Variants in CDH11 observed in about 807,000 individuals in gnomAD.
The protein encoded by CDH11 is cadherin 11, also known as cadherin-11.
CDH11 carries 11 observed loss-of-function variants against 67.8 expected under a neutral mutation model. That is an observed-to-expected ratio of 0.16 (90% CI 0.10 to 0.27). The LOEUF (loss-of-function observed/expected upper bound fraction) is 0.27, where lower values mean the gene tolerates loss of function less well. CDH11 is among the 10% of genes least tolerant of loss of function. The pLI is 1.00. For synonymous variants in CDH11, 419 were observed against 400.0 expected (o/e 1.05, Z -0.57); for missense variants, 847 against 1,031.2 (o/e 0.82, Z 2.45).
chr16:65,064,509 G>C (rs990746430), intron 1 of CDH11, among the ~76,000 whole-genome samples: 1 of 152,196 alleles, frequency 6.6e-6, no homozygotes, highest in African/African-American at 2.4e-5. Context: ...CCCACCAATT[G>C]CCAGATTACT....
rs143641530 is a variant in CDH11 at position 65,047,296 on chromosome 16, T to C, written c.-173+6508A>G. Among the ~76,000 whole-genome samples, 417 of 152,240 alleles carry C rather than the reference T, an allele frequency of 2.7e-3. 16 individuals are homozygous for C. In the East Asian group the frequency reaches 0.067, roughly 24 times the overall value. ...AGATTGAACGCCTAGAGTATAGGAA[T>C]TGAAGAAGACTTAATTCTCTGTAGA... On this transcript the variant is annotated intron_variant, in intron 2 of 12. Transcript: ENST00000268603.
chr16:65,071,171 A>C (rs1236870511), intron 1 of CDH11, among the ~76,000 whole-genome samples: 4 of 152,206 alleles, frequency 2.6e-5, no homozygotes. Flanking sequence ...GCTCAAGAGA[A>C]AGTGGTCCCA....
At chr16:65,031,182 T>C (rs2073636333) in intron 2 of CDH11, among the ~76,000 whole-genome samples, 1 of 152,214 alleles carries the variant, frequency 6.6e-6, no homozygotes, top group Admixed American at 6.5e-5. Flanking sequence ...AATGCAGCAC[T>C]CACAGATAAT....
At chr16:65,080,936 CAATGGTAGTGCCCGA>C (rs1156884922) in intron 1 of CDH11, among the ~76,000 whole-genome samples, 4 of 152,154 alleles carry the variant, frequency 2.6e-5, no homozygotes, top group Non-Finnish European at 5.9e-5. Context: ...CATATTGATG[CAATGGTAGTGCCCGA>C]AATATCATCA....
At chr16:64,978,585 A>T (rs1057123621) in intron 8 of CDH11, among the ~76,000 whole-genome samples, 14 of 152,244 alleles carry the variant, frequency 9.2e-5, no homozygotes, top group Admixed American at 9.2e-4. Flanking sequence ...ATGGATAGAC[A>T]TATAATTAAT....
At chr16:64,982,474 T>G in intron 7 of CDH11, 173 bp from the exon 8 acceptor site, 1 of 605,810 alleles carries the variant, frequency 1.7e-6, no homozygotes. Flanking sequence ...AATCAATTGC[T>G]GAAACCTAGA....
chr16:64,949,902 C>T (rs1567482091), intron 12 of CDH11, among the ~76,000 whole-genome samples: 1 of 152,122 alleles, frequency 6.6e-6, no homozygotes, highest in Non-Finnish European at 1.5e-5. Flanking sequence ...GGCCCGTTGC[C>T]CAGAGAATAC....
intron 2 of CDH11, among the ~76,000 whole-genome samples, chr16:65,012,295 T>G (rs755973460): frequency 6.6e-6 from 1 of 152,194 alleles, no homozygotes; most frequent in Non-Finnish European, 1.5e-5. Context: ...CCATGGCTCA[T>G]TAAACAACAC....
At position 65,004,856 on chromosome 16, in the gene CDH11, T is replaced by C; in HGVS notation, c.14A>G (p.Tyr5Cys). 1 of 1,532,072 alleles carries C rather than the reference T, an allele frequency of 6.5e-7. No individual in the cohort carries two copies. Among genetic ancestry groups the C allele is most frequent in the Non-Finnish European group, 8.8e-7 (1 of 1,135,748 alleles). 94.9% of individuals were successfully genotyped at this position (1,532,072 alleles called of 1,614,324 possible). A position where few individuals can be genotyped will look rare whatever the true frequency, so the allele number is the denominator to read the frequency against. MKEN[Y>C]CLQAALVCLG... is the part of the protein sequence containing the mutation. ...GCACACCAGGGCGGCTTGTAAACAG[T>C]AGTTCTCCTTCATTTTTGGTTACGT... The change falls in exon 3 of 13, where the codon TAC becomes TGC. Residue 5 changes from tyrosine (Y) to cysteine (C), a missense_variant. By Grantham distance (194) the Tyr-to-Cys change is radical. This residue lies in a region of CDH11 where 235 missense variants were observed against 352.5 expected (regional missense o/e 0.67). Transcript: ENST00000268603.
chr16:65,087,004 A>T (rs1379158993), intron 1 of CDH11, among the ~76,000 whole-genome samples: 1 of 152,176 alleles, frequency 6.6e-6, no homozygotes, highest in African/African-American at 2.4e-5. Context: ...GTGAATTTTA[A>T]ATGAGAAGAA....
chr16:65,034,780 G>C (rs73579797), intron 2 of CDH11, among the ~76,000 whole-genome samples: 22,775 of 152,108 alleles, frequency 0.15, 2,274 homozygotes, highest in East Asian at 0.41. Flanking sequence ...CAGGGTGCAC[G>C]TGGCTGTATC....
chr16:65,076,772 T>C (rs1187688021), intron 1 of CDH11, among the ~76,000 whole-genome samples: 1 of 138,042 alleles, frequency 7.2e-6, no homozygotes, highest in East Asian at 2.3e-4. Flanking sequence ...AGTGAGAACA[T>C]ACGGTGCTTG....
At chr16:65,068,412 A>G (rs1024433155) in intron 1 of CDH11, among the ~76,000 whole-genome samples, 95 of 54,248 alleles carry the variant, frequency 1.8e-3, no homozygotes, top group Non-Finnish European at 1.3e-3. Context: ...ATATGACTAC[A>G]GAAAAAAAAA....
In CDH11 at chr16:64,946,337, C is replaced by T. The variant is rs1417577812; in HGVS notation, c.*1266G>A. The T allele has an allele frequency of 1.3e-5, 14 of 1,039,282 alleles. No individual in the cohort carries two copies. The highest frequency in any genetic ancestry group is 5.8e-5 in the East Asian group (1 of 17,184). 64.4% of individuals were successfully genotyped at this position (1,039,282 alleles called of 1,614,324 possible). Reference sequence around the variant, plus strand: ...GCAAATTTATATTTTTGACTCTAGTCCCCCAGTTCCCCAGTGCTCAGTGTG... The same window carrying T: ...GCAAATTTATATTTTTGACTCTAGTTCCCCAGTTCCCCAGTGCTCAGTGTG... On this transcript the variant is annotated 3_prime_UTR_variant, in exon 13 of 13. Coordinates refer to ENST00000268603, the MANE Select transcript of CDH11 (RefSeq NM_001797.4).
At chr16:65,108,290 A>AGATT (rs1396675960) in intron 1 of CDH11, among the ~76,000 whole-genome samples, 3 of 152,190 alleles carry the variant, frequency 2.0e-5, no homozygotes, top group Non-Finnish European at 4.4e-5. Flanking sequence ...CTGAAGTTGA[A>AGATT]GATTCCCTGC....
chr16:64,951,010 C>T lies in CDH11; in HGVS notation c.1651G>A (p.Ala551Thr), dbSNP rs2142372211. The change falls in exon 12 of 13, where the codon GCA becomes ACA. Residue 551 changes from alanine to threonine, a missense_variant. Physicochemically the swap from Ala to Thr is moderately conservative, Grantham distance 58 (BLOSUM62 0). Around this residue, in one of 2 missense-constraint regions of CDH11, gnomAD observed 612 missense variants for 678.7 expected, o/e 0.90. Coordinates refer to ENST00000268603, the MANE Select transcript of CDH11 (RefSeq NM_001797.4). ...CCTCCACGCCGGGCGTACACGCCTG[C>T]TGTGTTATCTGCAGAAAGAGGGGAG... Reference protein sequence around the residue: ...FTVRDNRDNTAGVYARRGGFS... With the variant: ...FTVRDNRDNTTGVYARRGGFS... 1.2e-6 allele frequency: 2 copies of T among 1,612,522 alleles called. No individual in the cohort carries two copies. Among genetic ancestry groups the T allele is most frequent in the South Asian group, 1.1e-5 (1 of 91,038 alleles).
chr16:65,031,328 A>C (rs1427959134), intron 2 of CDH11, among the ~76,000 whole-genome samples: 1 of 152,214 alleles, frequency 6.6e-6, no homozygotes, highest in Non-Finnish European at 1.5e-5. Context: ...TGATAGGCTA[A>C]TGGTGGTGTT....
intron 1 of CDH11, among the ~76,000 whole-genome samples, chr16:65,071,613 C>T (rs914889935): frequency 7.9e-5 from 12 of 152,128 alleles, no homozygotes; most frequent in Admixed American, 6.5e-5. Context: ...GCCCCAAGCG[C>T]GTGTCCCCAG....
At chr16:65,032,764 A>C (rs535203310) in intron 2 of CDH11, among the ~76,000 whole-genome samples, 1 of 152,340 alleles carries the variant, frequency 6.6e-6, no homozygotes, top group South Asian at 2.1e-4. Flanking sequence ...TAAGGGCATT[A>C]GTTATCTTCC....
Sources: allele counts gnomAD v4.1 joint callset (sites outside exome capture counted in the v4.1 genomes callset), GRCh38; gene constraint gnomAD v4.1.1; regional missense constraint gnomAD v4.1.1; transcripts MANE v1.5; gene names NCBI Gene and HGNC (gene_info 2026-07-23, HGNC 2026-07-21).